CD38: variants seen among roughly 807,000 people sequenced by gnomAD.
CD38 encodes the protein CD38 molecule, also known as ADP-ribosyl cyclase/cyclic ADP-ribose hydrolase 1.
In CD38, 31 loss-of-function variants were observed where a neutral mutation model predicts 36.3. That is an observed-to-expected ratio of 0.85 (90% confidence interval 0.64 to 1.15). The LOEUF (loss-of-function observed/expected upper bound fraction) is 1.15. CD38 is among the 50% of genes most tolerant of loss of function. The pLI, the probability that CD38 is intolerant of heterozygous loss-of-function variation, is 0.00. For missense variants in CD38, 380 were observed against 371.9 expected, an observed-to-expected ratio of 1.02 and a Z score of -0.18; for synonymous variants, 131 against 135.2, an observed-to-expected ratio of 0.97 and a Z score of 0.22.
chr4:15,812,021 G>C (rs1452094552), intron 1 of CD38, among the ~76,000 whole-genome samples: 1 of 152,092 alleles, frequency 6.6e-6, no homozygotes, highest in Non-Finnish European at 1.5e-5. Flanking sequence ...TTTTCTTCTG[G>C]GTGTTATTCA....
At chr4:15,782,075 C>T (rs1722710939) in intron 1 of CD38, among the ~76,000 whole-genome samples, 1 of 152,184 alleles carries the variant, frequency 6.6e-6, no homozygotes, top group African/African-American at 2.4e-5. Context: ...CTCCCTTCCT[C>T]TCTGTGTTGC....
At chr4:15,792,447 G>GAAA (rs1723023338) in intron 1 of CD38, among the ~76,000 whole-genome samples, 2 of 129,076 alleles carry the variant, frequency 1.5e-5, no homozygotes, top group African/African-American at 6.8e-5. Context: ...TAAAAAAAAG[G>GAAA]AATGAATCAA....
chr4:15,817,697 A>T (rs115981602), intron 2 of CD38, among the ~76,000 whole-genome samples: 1,776 of 152,298 alleles, frequency 0.012, 29 homozygotes, highest in African/African-American at 0.04. Context: ...CTGGGCTTCA[A>T]TAAGGGCTGG....
At chr4:15,792,296 G>C (rs1235908936) in intron 1 of CD38, among the ~76,000 whole-genome samples, 1 of 118,678 alleles carries the variant, frequency 8.4e-6, no homozygotes, top group Non-Finnish European at 1.7e-5. Context: ...GCGGAAGGCC[G>C]CAGGGTCCTC....
At chr4:15,810,771 C>A (rs974006374) in intron 1 of CD38, among the ~76,000 whole-genome samples, 3 of 152,182 alleles carry the variant, frequency 2.0e-5, no homozygotes, top group Non-Finnish European at 4.4e-5. Flanking sequence ...TCATGTATAA[C>A]CCAATGATTC....
chr4:15,787,421 C>T (rs1391641984), intron 1 of CD38, among the ~76,000 whole-genome samples: 1 of 152,242 alleles, frequency 6.6e-6, no homozygotes, highest in East Asian at 1.9e-4. Flanking sequence ...AGGGTCTCTT[C>T]CTCCACCTGC....
intron 1 of CD38, among the ~76,000 whole-genome samples, chr4:15,804,665 G>A (rs575816963): frequency 1.3e-5 from 2 of 152,194 alleles, no homozygotes; most frequent in South Asian, 2.1e-4. Context: ...TATAAGCCAG[G>A]CACAGAAAGA....
chr4:15,817,894 A>C (rs1413661029), intron 2 of CD38, among the ~76,000 whole-genome samples: 1 of 152,134 alleles, frequency 6.6e-6, no homozygotes, highest in Non-Finnish European at 1.5e-5. Flanking sequence ...CTACACCACC[A>C]GGGCCCTGGG....
At chr4:15,825,269 G>A (rs913305846) in intron 3 of CD38, 13 of 403,294 alleles carry the variant, frequency 3.2e-5, no homozygotes, top group East Asian at 1.3e-4. Context: ...CATCCACTTC[G>A]GGTGAAGGCC....
intron 1 of CD38, among the ~76,000 whole-genome samples, chr4:15,798,189 C>A (rs1185188101): frequency 1.3e-5 from 2 of 152,158 alleles, no homozygotes; most frequent in African/African-American, 4.8e-5. Flanking sequence ...AGCCACAGAG[C>A]CTGGCCACTT....
chr4:15,845,829 TA>T (rs1278602667), intron 7 of CD38, among the ~76,000 whole-genome samples: 2 of 61,258 alleles, frequency 3.3e-5, no homozygotes, highest in Non-Finnish European at 5.5e-5. Flanking sequence ...TCAAAGAGAA[TA>T]AAATACCTAG....
intron 1 of CD38, among the ~76,000 whole-genome samples, chr4:15,788,221 G>C (rs761749395): frequency 3.9e-5 from 6 of 152,168 alleles, no homozygotes; most frequent in Non-Finnish European, 7.3e-5. Context: ...GGGCATTGCT[G>C]ATTGTTCAGA....
intron 1 of CD38, among the ~76,000 whole-genome samples, chr4:15,799,125 A>G (rs1459046064): frequency 1.3e-5 from 2 of 152,226 alleles, no homozygotes; most frequent in Non-Finnish European, 2.9e-5. Flanking sequence ...TAAATATTCT[A>G]AAAATGTTAA....
At chr4:15,826,459 G>GCACA (rs67475051) in intron 3 of CD38, among the ~76,000 whole-genome samples, 7,503 of 146,280 alleles carry the variant, frequency 0.051, 227 homozygotes, top group Non-Finnish European at 0.071. Flanking sequence ...ACTTTTGTGC[G>GCACA]CACACACACA....
chr4:15,813,368 T>C (rs953169765), intron 1 of CD38, among the ~76,000 whole-genome samples: 158 of 152,324 alleles, frequency 1.0e-3, no homozygotes, highest in African/African-American at 3.5e-3. Context: ...ATTGAGATGA[T>C]CATATGGTTT....
intron 1 of CD38, among the ~76,000 whole-genome samples, chr4:15,782,335 C>A (rs1233919945): frequency 6.6e-6 from 1 of 152,188 alleles, no homozygotes; most frequent in Non-Finnish European, 1.5e-5. Context: ...ATAATGTAGA[C>A]AGTTTTTACC....
rs1304312386 is a variant in CD38, at chr4:15,848,621, T to TA, written c.*19_*20insA. The TA allele has an allele frequency of 6.2e-7, 1 of 1,606,210 alleles. No homozygotes were observed. The highest frequency in any genetic ancestry group is 1.3e-5 in the African/African-American group (1 of 74,740). The stretch of plus-strand genomic sequence containing the variant: ...GATCTGAGCCAGTCGCTGTGGTTGT[T>TA]TTAGCTCCTTGACTCCTTGTGGTTT... On this transcript the variant is annotated 3_prime_UTR_variant, in exon 8 of 8. Transcript: ENST00000226279.
chr4:15,791,557 G>T (rs1478611867), intron 1 of CD38, among the ~76,000 whole-genome samples: 4 of 80,922 alleles, frequency 4.9e-5, no homozygotes, highest in African/African-American at 3.0e-4. Context: ...CCGGCCAGCC[G>T]CCCCGTCCGG....
At chr4:15,801,888 G>A (rs1241805379) in intron 1 of CD38, among the ~76,000 whole-genome samples, 1 of 152,120 alleles carries the variant, frequency 6.6e-6, no homozygotes, top group Non-Finnish European at 1.5e-5. Flanking sequence ...ACTGGAACAA[G>A]ATAAGGATGC....
Sources: allele counts gnomAD v4.1 joint callset (sites outside exome capture counted in the v4.1 genomes callset), GRCh38; gene constraint gnomAD v4.1.1; transcripts MANE v1.5; gene names NCBI Gene and HGNC (gene_info 2026-07-23, HGNC 2026-07-21).